The following ACOXL variants were observed in gnomAD, a reference collection of about 807,000 sequenced individuals.
The protein encoded by ACOXL is acyl-coenzyme A oxidase-like protein.
A neutral mutation model predicts 71.9 loss-of-function variants in ACOXL; 70 were observed. That is an observed-to-expected ratio of 0.97 (90% confidence interval 0.80 to 1.19). The LOEUF is 1.19. ACOXL is among the 50% of genes most tolerant of loss of function. The probability of loss-of-function intolerance (pLI) is 0.00; values close to 1 mark genes in which losing one functional copy is unlikely to be tolerated. For synonymous variants in ACOXL, 253 were observed against 281.6 expected, an observed-to-expected ratio of 0.90 and a Z score of 1.02; for missense variants, 703 against 736.3, an observed-to-expected ratio of 0.95 and a Z score of 0.52.
rs989171227 is a variant in ACOXL at position 110,806,987 on chromosome 2, G to A, written c.753+1592G>A. Reference sequence around the variant, plus strand: ...AGCGGGGTGGGGGTGGTGTCCCAGGGAGAGGAGCCACAGTGGGTGATTCCT... The same window carrying A: ...AGCGGGGTGGGGGTGGTGTCCCAGGAAGAGGAGCCACAGTGGGTGATTCCT... On this transcript the variant is annotated intron_variant, in intron 9 of 17. Coordinates refer to ENST00000439055, the MANE Select transcript of ACOXL (RefSeq NM_001142807.4). Among the ~76,000 whole-genome samples, 11 of 152,254 alleles carry A rather than the reference G, an allele frequency of 7.2e-5. 1 individual carries two copies. The South Asian group carries it at 2.1e-3, about 29-fold the overall frequency.
At chr2:110,815,131 G>A (rs1404951168) in intron 9 of ACOXL, among the ~76,000 whole-genome samples, 1 of 152,194 alleles carries the variant, frequency 6.6e-6, no homozygotes, top group African/African-American at 2.4e-5. Flanking sequence ...TGGCAGCAAG[G>A]AGAAGTGCTG....
intron 1 of ACOXL, among the ~76,000 whole-genome samples, chr2:110,753,723 G>T (rs1031615717): frequency 1.3e-5 from 2 of 152,058 alleles, no homozygotes; most frequent in Admixed American, 6.6e-5. Flanking sequence ...TATTTCTCTT[G>T]GATAAATACC....
chr2:110,774,184 A>C (rs73956442), intron 2 of ACOXL, among the ~76,000 whole-genome samples: 2,646 of 152,170 alleles, frequency 0.017, 84 homozygotes, highest in African/African-American at 0.061. Context: ...ATAATTGTTT[A>C]TTGAGCACCT....
intron 11 of ACOXL, among the ~76,000 whole-genome samples, chr2:110,924,821 G>A (rs2060213612): frequency 8.0e-6 from 1 of 124,614 alleles, no homozygotes; most frequent in Admixed American, 8.6e-5. Context: ...TTAGATTGGT[G>A]AGGAAGATTT....
At chr2:111,070,465 A>G (rs1435588847) in intron 16 of ACOXL, among the ~76,000 whole-genome samples, 1 of 152,178 alleles carries the variant, frequency 6.6e-6, no homozygotes, top group Non-Finnish European at 1.5e-5. Flanking sequence ...ATGGACACAT[A>G]GAGAGGAACA....
At chr2:110,733,215 C>G (rs551414824) in intron 1 of ACOXL, 2 of 152,572 alleles carry the variant, frequency 1.3e-5, no homozygotes, top group African/African-American at 4.8e-5. Flanking sequence ...ATGGAGTGGC[C>G]CTGTCCAGGG....
intron 1 of ACOXL, among the ~76,000 whole-genome samples, chr2:110,741,289 A>G (rs1677502214): frequency 6.6e-6 from 1 of 152,198 alleles, no homozygotes; most frequent in African/African-American, 2.4e-5. Context: ...AGAATCCAAG[A>G]TCAAGGTGTC....
At chr2:110,987,238 C>G in intron 13 of ACOXL, 21 bp downstream of exon 13, 1 of 1,550,624 alleles carries the variant, frequency 6.4e-7, no homozygotes, top group Non-Finnish European at 8.7e-7. Flanking sequence ...CTCAGGCCAT[C>G]ATCATCTGCC....
intron 17 of ACOXL, chr2:111,101,802 G>A (rs2069184701): frequency 1.3e-5 from 2 of 152,574 alleles, no homozygotes; most frequent in South Asian, 2.1e-4. Flanking sequence ...GTAAGCACAG[G>A]GACCTACTCT....
intron 1 of ACOXL, among the ~76,000 whole-genome samples, chr2:110,743,596 G>A (rs1043366546): frequency 6.6e-6 from 1 of 152,304 alleles, no homozygotes; most frequent in Non-Finnish European, 1.5e-5. Context: ...AGTGCTGCCA[G>A]GCCTTTGGTG....
At chr2:110,874,057 C>T (rs960341310) in intron 10 of ACOXL, among the ~76,000 whole-genome samples, 2 of 152,196 alleles carry the variant, frequency 1.3e-5, no homozygotes, top group African/African-American at 4.8e-5. Context: ...AGAAAACCCA[C>T]CCCAGAGCAA....
At chr2:110,845,699 T>C (rs1203722363) in intron 10 of ACOXL, among the ~76,000 whole-genome samples, 1 of 152,246 alleles carries the variant, frequency 6.6e-6, no homozygotes, top group Non-Finnish European at 1.5e-5. Flanking sequence ...TGCCTTTTCG[T>C]GACTACCTTA....
chr2:111,082,795 C>A (rs2067995960), intron 16 of ACOXL, among the ~76,000 whole-genome samples: 1 of 152,106 alleles, frequency 6.6e-6, no homozygotes. Flanking sequence ...AAATGCCCAC[C>A]AATGATAGAC....
chr2:111,115,710 A>C (rs2150093465), intron 17 of ACOXL: 1 of 152,340 alleles, frequency 6.6e-6, no homozygotes, highest in African/African-American at 2.4e-5. Flanking sequence ...AAAATGGAGA[A>C]GGCTAGAAGG....
At chr2:111,107,699 G>A (rs540997531) in intron 17 of ACOXL, among the ~76,000 whole-genome samples, 6 of 152,154 alleles carry the variant, frequency 3.9e-5, no homozygotes, top group Non-Finnish European at 7.3e-5. Context: ...TGTTGGTCAC[G>A]CTGGTCTTGA....
At chr2:110,871,219 G>A (rs1407811486) in intron 10 of ACOXL, among the ~76,000 whole-genome samples, 1 of 152,108 alleles carries the variant, frequency 6.6e-6, no homozygotes, top group Non-Finnish European at 1.5e-5. Flanking sequence ...CCTGGACAAG[G>A]CAACCCATGG....
At chr2:110,867,808 G>C (rs2149021867) in intron 10 of ACOXL, among the ~76,000 whole-genome samples, 1 of 152,052 alleles carries the variant, frequency 6.6e-6, no homozygotes, top group East Asian at 1.9e-4. Context: ...TGTCACCCAA[G>C]CTGGAGTGCA....
At chr2:111,096,256 A>T (rs370752766) in intron 17 of ACOXL, among the ~76,000 whole-genome samples, 1 of 120,904 alleles carries the variant, frequency 8.3e-6, no homozygotes, top group Admixed American at 8.2e-5. Context: ...ATTATTATTG[A>T]GACAGAGTCT....
In ACOXL at chr2:111,093,857, C is replaced by A. The variant is rs193040950; in HGVS notation, c.1542+891C>A. ...CCAGTTTGGACTACAGAGTGAGACTCCATCTCAAAACAAAACAAAACAACA... is the reference window on the plus strand; with the variant it reads ...CCAGTTTGGACTACAGAGTGAGACTACATCTCAAAACAAAACAAAACAACA... On this transcript the variant is annotated intron_variant, in intron 17 of 17. Transcript: ENST00000439055. 6.8e-4 allele frequency: 146 copies of A among 215,198 alleles called. 2 individuals carry two copies. In the South Asian group the frequency reaches 0.021, roughly 31 times the overall value. The allele number at this position is 215,198 out of a possible 1,614,324, so 13.3% of individuals were successfully genotyped here.
Sources: gnomAD v4.1 joint callset for allele counts (sites outside exome capture counted in the v4.1 genomes callset) on GRCh38, gnomAD v4.1.1 for gene constraint, MANE v1.5 for transcripts, NCBI Gene and HGNC (gene_info 2026-07-23, HGNC 2026-07-21) for gene names.